ATP2B2: variants seen among roughly 807,000 people sequenced by gnomAD.
ATP2B2 encodes the protein ATPase plasma membrane Ca2+ transporting 2.
Under a neutral mutation model 120.0 loss-of-function variants are expected in ATP2B2, and 15 were observed. The observed-to-expected ratio is 0.12, with a 90% CI of 0.08 to 0.19. ATP2B2 has a LOEUF of 0.19. Ranked by LOEUF, ATP2B2 falls within the 10% of genes least tolerant of loss-of-function variation. The probability of loss-of-function intolerance (pLI) is 1.00; values close to 1 mark genes in which losing one functional copy is unlikely to be tolerated. For missense variants in ATP2B2, 1,045 were observed against 1,719.8 expected (o/e 0.61, Z 6.94); for synonymous variants, 694 against 700.3 (o/e 0.99, Z 0.14).
chr3:10,534,738 T>C (rs763582778), intron 2 of ATP2B2, among the ~76,000 whole-genome samples: 15 of 152,068 alleles, frequency 9.9e-5, no homozygotes, highest in Non-Finnish European at 2.2e-4. Context: ...TACCTATTTT[T>C]CAGGATTTTT....
chr3:10,342,624 C>G lies in ATP2B2; in HGVS notation c.2917+128G>C, dbSNP rs1016232453. ...ACCTTGGGCAACTTACTTGACCTCCCTGGGCCTCAATTTCCCCATTAGCAA... is the reference window on the plus strand; with the variant it reads ...ACCTTGGGCAACTTACTTGACCTCCGTGGGCCTCAATTTCCCCATTAGCAA... On this transcript the variant is annotated intron_variant, in intron 19 of 22. Coordinates refer to ENST00000360273, the MANE Select transcript of ATP2B2 (RefSeq NM_001001331.4). This position sits in a 1 kb window ranked among gnomAD's most constrained non-coding sequence, Gnocchi z 4.4. 34 of 1,165,096 alleles carry G rather than the reference C, an allele frequency of 2.9e-5. No individual in the cohort carries two copies. Among genetic ancestry groups the G allele is most frequent in the Non-Finnish European group, 3.9e-5 (31 of 803,168 alleles). The allele number at this position is 1,165,096 out of a possible 1,614,324, so 72.2% of individuals were successfully genotyped here. A position where few individuals can be genotyped will look rare whatever the true frequency, so the allele number is the denominator to read the frequency against.
intron 1 of ATP2B2, among the ~76,000 whole-genome samples, chr3:10,497,011 G>A (rs2066179192): frequency 6.6e-6 from 1 of 152,276 alleles, no homozygotes; most frequent in Admixed American, 6.5e-5. Flanking sequence ...GAGGCCAGGA[G>A]AGTGCTGGCT....
chr3:10,582,202 G>C (rs1051837989), intron 2 of ATP2B2, among the ~76,000 whole-genome samples: 17 of 152,166 alleles, frequency 1.1e-4, no homozygotes, highest in Admixed American at 2.0e-4. Context: ...TTGTTTCTTG[G>C]GGGGACCGGG....
At chr3:10,615,796 A>G (rs539995103) in intron 2 of ATP2B2, among the ~76,000 whole-genome samples, 1 of 152,148 alleles carries the variant, frequency 6.6e-6, no homozygotes, top group South Asian at 2.1e-4. Context: ...TCAACTATCA[A>G]ATTGTTTATC....
intron 1 of ATP2B2, among the ~76,000 whole-genome samples, chr3:10,499,032 G>A (rs59832378): frequency 0.04 from 6,163 of 152,202 alleles, 414 homozygotes; most frequent in African/African-American, 0.14. Flanking sequence ...TGCATATCAG[G>A]ATGTCAAGCT....
At position 10,454,378 on chromosome 3, in the gene ATP2B2, ACAAC is replaced by A. The variant is rs2064180329; in HGVS notation, c.-319-4520_-319-4517del. On this transcript the variant is annotated intron_variant, in intron 1 of 22. Coordinates refer to ENST00000360273, the MANE Select transcript of ATP2B2 (RefSeq NM_001001331.4). ...ATGAATCATGAAGAAACTGAAATACACAACTGTCTGCTAGTAAAAGGTGCAGAAG... is the reference window on the plus strand; with the variant it reads ...ATGAATCATGAAGAAACTGAAATACATGTCTGCTAGTAAAAGGTGCAGAAG... Among the ~76,000 whole-genome samples the A allele has an allele frequency of 2.0e-5, 3 of 152,356 alleles. No homozygotes were observed. The South Asian group carries it at 6.2e-4, about 32-fold the overall frequency.
At chr3:10,626,693 A>G (rs1164930829) in intron 1 of ATP2B2, 2 of 152,096 alleles carry the variant, frequency 1.3e-5, no homozygotes, top group Non-Finnish European at 2.9e-5. Context: ...GAGTGAATAA[A>G]TGGATGAATG....
In ATP2B2 at chr3:10,385,166, G is replaced by C. The variant is rs1038121305; in HGVS notation, c.1000+102C>G. 5 of 1,195,296 alleles carry C rather than the reference G, an allele frequency of 4.2e-6. No individual in the cohort carries two copies. In the Admixed American group the frequency reaches 9.3e-5, roughly 22 times the overall value. 74.0% of individuals were successfully genotyped at this position (1,195,296 alleles called of 1,614,324 possible). On this transcript the variant is annotated intron_variant, in intron 8 of 22. Transcript: ENST00000360273. ...CTGTCCCAGCGGCCCATGCACATCC[G>C]AGATCTGTGCAGTCCAGAACAAGGA...
At chr3:10,563,301 CT>C (rs2067942806) in intron 2 of ATP2B2, among the ~76,000 whole-genome samples, 1 of 151,996 alleles carries the variant, frequency 6.6e-6, no homozygotes, top group Non-Finnish European at 1.5e-5. Context: ...TGAGCAGTGG[CT>C]GGATCAGGAA....
intron 2 of ATP2B2, among the ~76,000 whole-genome samples, chr3:10,418,559 G>A (rs1317865158): frequency 6.6e-6 from 1 of 152,124 alleles, no homozygotes; most frequent in Non-Finnish European, 1.5e-5. Context: ...GGCCATCCAG[G>A]TGACCACTGA....
chr3:10,359,372 C>G (rs774052136), intron 13 of ATP2B2, among the ~76,000 whole-genome samples: 31 of 152,164 alleles, frequency 2.0e-4, no homozygotes, highest in Non-Finnish European at 3.8e-4. Flanking sequence ...AATGTGTACC[C>G]AGGGCTGAGA....
intron 2 of ATP2B2, among the ~76,000 whole-genome samples, chr3:10,448,372 G>C (rs865927545): frequency 4.6e-5 from 7 of 152,200 alleles, no homozygotes; most frequent in Non-Finnish European, 7.3e-5. Context: ...GTTCAGGATT[G>C]GGAGTGTCAC....
intron 2 of ATP2B2, among the ~76,000 whole-genome samples, chr3:10,423,598 T>C (rs1179622182): frequency 2.6e-5 from 4 of 152,154 alleles, no homozygotes; most frequent in Non-Finnish European, 5.9e-5. Context: ...TTTGGGAAAA[T>C]GGAGGCCAGA....
In ATP2B2 at chr3:10,521,303, G is replaced by T. The variant is rs2066980292; in HGVS notation, c.-320+12736C>A. ...GCCTTGATCTGGAGGCATCAGAGAA[G>T]CCCCCATAAACAATCAGTCAAGTAA... On this transcript the variant is annotated intron_variant, in intron 3 of 21. Coordinates refer to the ATP2B2 transcript ENST00000646379. 2.0e-5 allele frequency among the ~76,000 whole-genome samples: 3 copies of T among 152,200 alleles called. No homozygotes were observed. The South Asian group carries it at 6.2e-4, about 31-fold the overall frequency.
chr3:10,464,514 C>T (rs2064651103), intron 1 of ATP2B2, among the ~76,000 whole-genome samples: 1 of 152,158 alleles, frequency 6.6e-6, no homozygotes, highest in Admixed American at 6.5e-5. Context: ...CATAGCATGA[C>T]CAAGATTGCT....
intron 1 of ATP2B2, among the ~76,000 whole-genome samples, chr3:10,700,239 G>A (rs1351173464): frequency 2.0e-4 from 30 of 151,904 alleles, no homozygotes; most frequent in Admixed American, 1.8e-3. Context: ...TAACAAACTC[G>A]TTCACATTGC....
At chr3:10,576,998 G>T (rs1342186435) in intron 2 of ATP2B2, among the ~76,000 whole-genome samples, 4 of 148,688 alleles carry the variant, frequency 2.7e-5, no homozygotes, top group African/African-American at 1.0e-4. Context: ...AGGTTGCAGT[G>T]AGCCAAGATC....
At chr3:10,621,920 A>G (rs1442056485) in intron 1 of ATP2B2, among the ~76,000 whole-genome samples, 1 of 152,240 alleles carries the variant, frequency 6.6e-6, no homozygotes, top group Non-Finnish European at 1.5e-5. Flanking sequence ...GCAGAAGCCC[A>G]CACACGCAGC....
At chr3:10,571,324 A>C (rs1269253742) in intron 2 of ATP2B2, among the ~76,000 whole-genome samples, 1 of 152,230 alleles carries the variant, frequency 6.6e-6, no homozygotes, top group Non-Finnish European at 1.5e-5. Context: ...CAGAGCCTTC[A>C]GCAGGGATGC....
Sources: gnomAD v4.1 joint callset for allele counts (sites outside exome capture counted in the v4.1 genomes callset) on GRCh38, gnomAD v4.1.1 for gene constraint, Gnocchi (gnomAD v3.1) non-coding constraint, MANE v1.5 for transcripts, NCBI Gene and HGNC (gene_info 2026-07-23, HGNC 2026-07-21) for gene names.